USP14: variants seen among roughly 807,000 people sequenced by gnomAD.
The protein encoded by USP14 is ubiquitin carboxyl-terminal hydrolase 14.
A neutral mutation model predicts 76.5 loss-of-function variants in USP14; 38 were observed. The observed-to-expected ratio is 0.50, with a 90% CI of 0.38 to 0.65. The LOEUF (loss-of-function observed/expected upper bound fraction) is 0.65, where lower values mean the gene tolerates loss of function less well. Ranked by LOEUF, USP14 falls within the 30% of genes least tolerant of loss-of-function variation. The pLI is 0.00. For synonymous variants in USP14, 192 were observed against 191.7 expected (o/e 1.00, Z -0.01); for missense variants, 467 against 586.5 (o/e 0.80, Z 2.10).
chr18:188,101 G>A (rs1909982563), intron 5 of USP14, among the ~76,000 whole-genome samples: 1 of 152,028 alleles, frequency 6.6e-6, no homozygotes, highest in African/African-American at 2.4e-5. Flanking sequence ...GATTTTAATA[G>A]GACTGTTGTA....
intron 6 of USP14, among the ~76,000 whole-genome samples, chr18:194,742 C>T (rs1417706625): frequency 6.6e-6 from 1 of 152,092 alleles, no homozygotes; most frequent in Non-Finnish European, 1.5e-5. Flanking sequence ...ACCAGCCTGG[C>T]CAACATGGCG....
At chr18:193,439 A>T (rs368663005) in intron 6 of USP14, among the ~76,000 whole-genome samples, 1 of 152,250 alleles carries the variant, frequency 6.6e-6, no homozygotes, top group Non-Finnish European at 1.5e-5. Flanking sequence ...TAACAGCTTT[A>T]TTGATATAGT....
intron 2 of USP14, among the ~76,000 whole-genome samples, chr18:164,589 G>A (rs1328143524): frequency 6.6e-6 from 1 of 152,042 alleles, no homozygotes; most frequent in Non-Finnish European, 1.5e-5. Flanking sequence ...GAGTAGCTGG[G>A]ATTACAGGTG....
chr18:213,293 A>C lies in USP14; in HGVS notation c.*2009A>C, dbSNP rs1245819677. 9 of 152,238 alleles carry C rather than the reference A, an allele frequency of 5.9e-5. No homozygotes were observed. The highest frequency in any genetic ancestry group is 5.9e-4 in the Admixed American group (9 of 15,286). The allele number at this position is 152,238 out of a possible 1,614,324, so 9.4% of individuals were successfully genotyped here. A position where few individuals can be genotyped will look rare whatever the true frequency, so the allele number is the denominator to read the frequency against. ...AGGTGAGCTAGGTTTAGAGCAAAGT[A>C]TATAAGCCTTGTATGGACTATATTA... On this transcript the variant is annotated 3_prime_UTR_variant, in exon 16 of 16. Coordinates refer to ENST00000261601, the MANE Select transcript of USP14 (RefSeq NM_005151.4).
chr18:185,796 G>A lies in USP14; in HGVS notation c.404+5457G>A, dbSNP rs547437412. Among the ~76,000 whole-genome samples, 114 of 151,800 alleles carry A rather than the reference G, an allele frequency of 7.5e-4. No homozygotes were observed. In the Middle Eastern group the frequency reaches 0.01, roughly 14 times the overall value. On this transcript the variant is annotated intron_variant, in intron 5 of 15. Transcript: ENST00000261601. ...TGCAGCCTTGACCTCTTGGGCTCAA[G>A]GATCCTCCTGACTTGGCTTCCCGAG...
intron 6 of USP14, among the ~76,000 whole-genome samples, chr18:194,258 A>G (rs946337910): frequency 2.0e-5 from 3 of 152,210 alleles, no homozygotes; most frequent in Non-Finnish European, 4.4e-5. Flanking sequence ...ACTTGTTGAA[A>G]TGAAGTTTTT....
At position 161,032 on chromosome 18, in the gene USP14, A is replaced by G. The variant is rs1422635983; in HGVS notation, c.17-2276A>G. The stretch of plus-strand genomic sequence containing the variant: ...GACCTCCACCTCCTGGTTTCAAGCG[A>G]TTCTCCTGCCTCAGTCTCGCGAGTA... On this transcript the variant is annotated intron_variant, in intron 1 of 15. Transcript: ENST00000261601. Among the ~76,000 whole-genome samples, 4 of 151,978 alleles carry G rather than the reference A, an allele frequency of 2.6e-5. No homozygotes were observed. The South Asian group carries it at 6.2e-4, about 24-fold the overall frequency.
At chr18:162,166 A>G (rs948208894) in intron 1 of USP14, among the ~76,000 whole-genome samples, 4 of 152,106 alleles carry the variant, frequency 2.6e-5, no homozygotes, top group African/African-American at 9.7e-5. Context: ...AGTTGCTCCC[A>G]CTTTTTCGGC....
intron 10 of USP14, among the ~76,000 whole-genome samples, chr18:200,105 G>A (rs922584522): frequency 1.3e-5 from 2 of 152,148 alleles, no homozygotes; most frequent in Non-Finnish European, 1.5e-5. Flanking sequence ...GCTTTGTGCT[G>A]TACCTTGCTT....
At chr18:172,819 A>G (rs1909502858) in intron 3 of USP14, among the ~76,000 whole-genome samples, 1 of 152,150 alleles carries the variant, frequency 6.6e-6, no homozygotes, top group Non-Finnish European at 1.5e-5. Flanking sequence ...TGATGTTTGT[A>G]TGCACTGGGG....
chr18:197,240 T>A (rs1338687052), intron 7 of USP14, among the ~76,000 whole-genome samples: 1 of 152,228 alleles, frequency 6.6e-6, no homozygotes, highest in Non-Finnish European at 1.5e-5. Flanking sequence ...GTCTCATGGC[T>A]CCAAGGCCAA....
chr18:165,502 C>T lies in USP14; in HGVS notation c.163-1285C>T, dbSNP rs145884268. Reference sequence around the variant, plus strand: ...TGCTGTCGAGAATTATAGAAGTATGCGAATTAAATGAAACTGTGACTGCTA... The same window carrying T: ...TGCTGTCGAGAATTATAGAAGTATGTGAATTAAATGAAACTGTGACTGCTA... On this transcript the variant is annotated intron_variant, in intron 2 of 15. Transcript: ENST00000261601. 4.5e-4 allele frequency among the ~76,000 whole-genome samples: 68 copies of T among 152,156 alleles called. 1 individual carries two copies. The East Asian group carries it at 0.011, about 25-fold the overall frequency.
intron 3 of USP14, among the ~76,000 whole-genome samples, chr18:177,656 C>T (rs757259168): frequency 1.4e-5 from 2 of 147,936 alleles, no homozygotes; most frequent in Non-Finnish European, 3.0e-5. Flanking sequence ...TTTAAATCTC[C>T]ACTTCTGGTC....
At chr18:176,778 ATCTT>A (rs574610841) in intron 3 of USP14, among the ~76,000 whole-genome samples, 64 of 151,988 alleles carry the variant, frequency 4.2e-4, no homozygotes, top group Non-Finnish European at 7.8e-4. Flanking sequence ...TTACATTTAA[ATCTT>A]TAATTAATTG....
intron 3 of USP14, among the ~76,000 whole-genome samples, chr18:173,045 TTTTTCTG>T (rs1489783596): frequency 6.6e-6 from 1 of 152,194 alleles, no homozygotes; most frequent in Non-Finnish European, 1.5e-5. Flanking sequence ...CAAGATTTTT[TTTTTCTG>T]TTTTCTTGTA....
Position 158,596 on chromosome 18 carries a change from G to A in USP14, c.-103G>A. On this transcript the variant is annotated 5_prime_UTR_variant, in exon 1 of 16. Coordinates refer to ENST00000261601, the MANE Select transcript of USP14 (RefSeq NM_005151.4). ...GCACCGAAGCCGCCGCCACCACCGCGCCTCCGCCTCGGCCGCCGCCGCAGC... is the reference window on the plus strand; with the variant it reads ...GCACCGAAGCCGCCGCCACCACCGCACCTCCGCCTCGGCCGCCGCCGCAGC... The A allele has an allele frequency of 1.6e-6, 2 of 1,267,968 alleles. No individual in the cohort carries two copies. Among genetic ancestry groups the A allele is most frequent in the South Asian group, 1.4e-5 (1 of 72,826 alleles). 78.5% of individuals were successfully genotyped at this position (1,267,968 alleles called of 1,614,324 possible). A position where few individuals can be genotyped will look rare whatever the true frequency, so the allele number is the denominator to read the frequency against.
At chr18:166,217 T>C (rs1172712159) in intron 2 of USP14, among the ~76,000 whole-genome samples, 2 of 152,232 alleles carry the variant, frequency 1.3e-5, no homozygotes, top group Admixed American at 6.5e-5. Flanking sequence ...TATACTTATG[T>C]GTTTTTTAGT....
chr18:210,247 CT>C (rs1910634360), intron 14 of USP14, 138 bp from the exon 15 acceptor site: 2 of 719,396 alleles, frequency 2.8e-6, no homozygotes, highest in Non-Finnish European at 4.5e-6. Flanking sequence ...GAAGCCTTAA[CT>C]ATGATTGGAC....
At chr18:178,351 G>T (rs1335358871) in intron 3 of USP14, among the ~76,000 whole-genome samples, 1 of 152,108 alleles carries the variant, frequency 6.6e-6, no homozygotes, top group Non-Finnish European at 1.5e-5. Context: ...TATGGAGAGA[G>T]ATAATGCCAC....
Sources: allele counts gnomAD v4.1 joint callset (sites outside exome capture counted in the v4.1 genomes callset), GRCh38; gene constraint gnomAD v4.1.1; transcripts MANE v1.5; gene names NCBI Gene and HGNC (gene_info 2026-07-23, HGNC 2026-07-21).